Variants in HMGXB4 observed in about 807,000 individuals in gnomAD.
HMGXB4 encodes HMG domain-containing protein 4.
Under a neutral mutation model 63.9 loss-of-function variants are expected in HMGXB4, and 27 were observed. The observed-to-expected ratio is 0.42, with a 90% CI of 0.31 to 0.58. The LOEUF (loss-of-function observed/expected upper bound fraction) is 0.58, where lower values mean the gene tolerates loss of function less well. Among genes scored for constraint, HMGXB4 ranks in the 20% least tolerant of loss-of-function variants. The probability of loss-of-function intolerance (pLI) is 0.13; values close to 1 mark genes in which losing one functional copy is unlikely to be tolerated. For missense variants in HMGXB4, 624 were observed against 700.7 expected (o/e 0.89, Z 1.24); for synonymous variants, 264 against 265.3 (o/e 0.99, Z 0.05).
chr22:35,255,564 G>C (rs931468193), upstream of HMGXB4, among the ~76,000 whole-genome samples: 2 of 152,206 alleles, frequency 1.3e-5, no homozygotes, highest in Non-Finnish European at 2.9e-5. Flanking sequence ...TAGCAGGAAA[G>C]ATGATGAAGC....
At chr22:35,253,384 C>T (rs191965647), upstream of HMGXB4, among the ~76,000 whole-genome samples, 90 of 152,264 alleles carry the variant, frequency 5.9e-4, no homozygotes, top group Middle Eastern at 3.4e-3. Flanking sequence ...AACACACATA[C>T]ACACAGAAGA....
chr22:35,282,121 ACT>A (rs1924278419), intron 5 of HMGXB4, among the ~76,000 whole-genome samples: 1 of 152,082 alleles, frequency 6.6e-6, no homozygotes, highest in Non-Finnish European at 1.5e-5. Context: ...ACAAAACCTG[ACT>A]CTTAAGGCAA....
intron 1 of HMGXB4, among the ~76,000 whole-genome samples, chr22:35,259,707 T>TA (rs1189733574): frequency 1.3e-5 from 2 of 152,244 alleles, no homozygotes; most frequent in Non-Finnish European, 2.9e-5. Context: ...CTGTGGCTGA[T>TA]ACAGTCCGTT....
At chr22:35,247,621 G>C in the HMGXB4 span, among the ~76,000 whole-genome samples, 2 of 150,968 alleles carry the variant, frequency 1.3e-5, no homozygotes, top group African/African-American at 2.4e-5. Context: ...AACTGTTCTG[G>C]AAACTCTCCA....
rs1017533103 is a variant in HMGXB4 at position 35,265,586 on chromosome 22, A to G, written c.1198A>G (p.Arg400Gly). 2 of 1,584,700 alleles carry G rather than the reference A, an allele frequency of 1.3e-6. No individual in the cohort carries two copies. The highest frequency in any genetic ancestry group is 1.7e-6 in the Non-Finnish European group (2 of 1,168,006). Residue 400 changes from arginine to glycine, a missense_variant, in exon 5 of 11, where the codon AGA (arginine) becomes GGA (glycine). This residue lies in a region of HMGXB4 where 472 missense variants were observed against 470.6 expected (regional missense o/e 1.00). Transcript: ENST00000216106. ...KKKKEEKDKE[R>G]ERGEKPKKKN... is the part of the protein sequence containing the mutation. ...GAAAAAAGAAGAGAAGGACAAAGAG[A>G]GAGAGAGAGGAGAAAAGGTAAAGCA...
At chr22:35,282,345 T>A (rs1219312226) in intron 5 of HMGXB4, among the ~76,000 whole-genome samples, 1 of 151,966 alleles carries the variant, frequency 6.6e-6, no homozygotes, top group Non-Finnish European at 1.5e-5. Flanking sequence ...CCCGGCTAAT[T>A]TTTTATATTT....
At chr22:35,276,282 CATTCTAGTGCAGCTAG>C (rs1438943136) in intron 5 of HMGXB4, among the ~76,000 whole-genome samples, 1 of 152,238 alleles carries the variant, frequency 6.6e-6, no homozygotes, top group Non-Finnish European at 1.5e-5. Flanking sequence ...AACAGAATGT[CATTCTAGTGCAGCTAG>C]ATTTTTCTCT....
At chr22:35,248,130 T>C in the HMGXB4 span, among the ~76,000 whole-genome samples, 3 of 151,980 alleles carry the variant, frequency 2.0e-5, no homozygotes, top group Non-Finnish European at 1.5e-5. Flanking sequence ...TATCTAAACA[T>C]AGAAAAGGTA....
In HMGXB4 at chr22:35,289,895, A is replaced by G. The variant is rs560403200; in HGVS notation, c.1638+1488A>G. 3.6e-4 allele frequency among the ~76,000 whole-genome samples: 55 copies of G among 152,386 alleles called. No individual in the cohort carries two copies. In the Middle Eastern group the frequency reaches 0.024, roughly 66 times the overall value. On this transcript the variant is annotated intron_variant, in intron 9 of 10. Coordinates refer to ENST00000216106, the MANE Select transcript of HMGXB4 (RefSeq NM_001003681.3). Reference sequence around the variant, plus strand: ...AGCAAAGAAGTCAGTCTAAGCTACTAAAGCCATTTTTAAGCTAAGAAATTA... The same window carrying G: ...AGCAAAGAAGTCAGTCTAAGCTACTGAAGCCATTTTTAAGCTAAGAAATTA...
chr22:35,262,164 C>G (rs1922901606), intron 1 of HMGXB4, 159 bp from the exon 2 acceptor site: 2 of 559,970 alleles, frequency 3.6e-6, no homozygotes, highest in Non-Finnish European at 6.4e-6. Flanking sequence ...CAGTATCAAC[C>G]CCACTGTATT....
At chr22:35,246,121 C>T in the HMGXB4 span, among the ~76,000 whole-genome samples, 1 of 152,122 alleles carries the variant, frequency 6.6e-6, no homozygotes, top group African/African-American at 2.4e-5. Context: ...TTGACCTTCC[C>T]TGACACCACC....
the HMGXB4 span, among the ~76,000 whole-genome samples, chr22:35,244,174 G>C: frequency 6.6e-6 from 1 of 151,874 alleles, no homozygotes; most frequent in African/African-American, 2.4e-5. Flanking sequence ...CCTCTCTCTA[G>C]GACTCATGAT....
At chr22:35,255,172 C>G (rs1412738578), upstream of HMGXB4, among the ~76,000 whole-genome samples, 1 of 152,116 alleles carries the variant, frequency 6.6e-6, no homozygotes, top group Admixed American at 6.5e-5. Flanking sequence ...GAATCAATCC[C>G]ATGACTTTTG....
intron 4 of HMGXB4, 78 bp from the exon 5 acceptor site, chr22:35,264,570 G>C (rs896300856): frequency 1.9e-5 from 18 of 950,104 alleles, no homozygotes; most frequent in Non-Finnish European, 2.9e-5. Flanking sequence ...ATGTTAGCTA[G>C]GTGCTTTTGA....
chr22:35,262,231 C>T (rs535595818), intron 1 of HMGXB4, 92 bp from the exon 2 acceptor site: 120 of 696,418 alleles, frequency 1.7e-4, no homozygotes, highest in Non-Finnish European at 2.7e-4. Context: ...CCCTTCCAGT[C>T]AGCCCTTGGA....
the HMGXB4 span, among the ~76,000 whole-genome samples, chr22:35,242,620 G>C: frequency 6.6e-6 from 1 of 151,224 alleles, no homozygotes; most frequent in South Asian, 2.1e-4. Context: ...CCTGTTTCCA[G>C]CTTCACTGAT....
rs76047920 is a variant in HMGXB4 at position 35,273,548 on chromosome 22, C to T, written c.1215+7945C>T. Among the ~76,000 whole-genome samples, 312 of 152,344 alleles carry T rather than the reference C, an allele frequency of 2.0e-3. 1 individual carries two copies. Among genetic ancestry groups the T allele is most frequent in the Non-Finnish European group, 3.6e-3 (247 of 68,034 alleles). Reference sequence around the variant, plus strand: ...CAGCTGTTACAGTTACTTTCGCTTACGTCTTAAGTTCTTCAAAAGCACAAA... The same window carrying T: ...CAGCTGTTACAGTTACTTTCGCTTATGTCTTAAGTTCTTCAAAAGCACAAA... On this transcript the variant is annotated intron_variant, in intron 5 of 10. Transcript: ENST00000216106.
In HMGXB4 at chr22:35,294,631, T is replaced by A. The variant is rs1439810948; in HGVS notation, c.*980T>A. The A allele has an allele frequency of 6.6e-6, 1 of 152,620 alleles. No homozygotes were observed. Among genetic ancestry groups the A allele is most frequent in the Non-Finnish European group, 1.5e-5 (1 of 68,034 alleles). The allele number at this position is 152,620 out of a possible 1,614,324, so 9.5% of individuals were successfully genotyped here. A position where few individuals can be genotyped will look rare whatever the true frequency, so the allele number is the denominator to read the frequency against. ...AAAACTCACTCTCTTGTAGGTTTAT[T>A]TATGTGTGTGTGAATGTGTATTTTA... On this transcript the variant is annotated 3_prime_UTR_variant, in exon 11 of 11. Transcript: ENST00000216106.
chr22:35,282,079 G>C (rs1924276330), intron 5 of HMGXB4, among the ~76,000 whole-genome samples: 1 of 152,202 alleles, frequency 6.6e-6, no homozygotes, highest in Admixed American at 6.5e-5. Context: ...GAAGTTACGA[G>C]ACAGGACTGT....
Sources: gnomAD v4.1 joint callset for allele counts (sites outside exome capture counted in the v4.1 genomes callset) on GRCh38, gnomAD v4.1.1 for gene constraint, gnomAD v4.1.1 regional missense constraint, MANE v1.5 for transcripts, NCBI Gene and HGNC (gene_info 2026-07-23, HGNC 2026-07-21) for gene names.